Variants in MUC12 observed in about 807,000 individuals in gnomAD.
MUC12 encodes the protein mucin-12.
Under a neutral mutation model 230.8 loss-of-function variants are expected in MUC12, and 172 were observed. That is an observed-to-expected ratio of 0.75 (90% CI 0.66 to 0.85). MUC12 has a LOEUF of 0.85. Among genes scored for constraint, MUC12 ranks in the 40% least tolerant of loss-of-function variants. MUC12 has a pLI of 0.00. For missense variants in MUC12, 3,506 were observed against 5,920.6 expected, an observed-to-expected ratio of 0.59 and a Z score of 13.38; for synonymous variants, 1,259 against 2,401.9, an observed-to-expected ratio of 0.52 and a Z score of 13.91.
intron 1 of MUC12, among the ~76,000 whole-genome samples, chr7:100,971,518 G>A (rs992724371): frequency 1.3e-5 from 2 of 152,308 alleles, no homozygotes; most frequent in Admixed American, 6.5e-5. Flanking sequence ...GGCCCTCCGA[G>A]GCTGCCTCTG....
At chr7:100,979,847 T>C (rs978097341) in intron 1 of MUC12, among the ~76,000 whole-genome samples, 2 of 152,038 alleles carry the variant, frequency 1.3e-5, no homozygotes, top group Admixed American at 6.6e-5. Flanking sequence ...CATACATTTA[T>C]ATATTCACAC....
intron 3 of MUC12, among the ~76,000 whole-genome samples, chr7:101,007,547 C>T (rs1028765773): frequency 7.9e-5 from 12 of 152,230 alleles, no homozygotes; most frequent in African/African-American, 2.9e-4. Flanking sequence ...ACAACGACCT[C>T]CAGTTCCATC....
Position 101,013,022 on chromosome 7 carries a change from A to C in MUC12, c.15518A>C (p.Tyr5173Ser). 2.0e-6 allele frequency: 3 copies of C among 1,537,312 alleles called. No individual in the cohort carries two copies. The highest frequency in any genetic ancestry group is 2.6e-6 in the Non-Finnish European group (3 of 1,146,932). ...QKAAEGYTQF[Y>S]YVDVLDGKLA... Reference sequence around the variant, plus strand: ...GCTGCCGAAGGATATACCCAGTTCTACTATGTGGATGTCTTGGATGGGAAG... The same window carrying C: ...GCTGCCGAAGGATATACCCAGTTCTCCTATGTGGATGTCTTGGATGGGAAG... The change falls in exon 8 of 12, where the codon TAC becomes TCC. Residue 5173 changes from tyrosine to serine, a missense_variant. By Grantham distance (144) the Tyr-to-Ser change is moderately radical. Transcript: ENST00000536621.
intron 11 of MUC12, 115 bp downstream of exon 11, chr7:101,017,778 C>CCTTCTCCCCCTGGGA: frequency 1.4e-6 from 1 of 705,652 alleles, no homozygotes; most frequent in Non-Finnish European, 2.3e-6. Context: ...CCTGGGACTC[C>CCTTCTCCCCCTGGGA]CTCCCTTCCC....
At position 100,969,587 on chromosome 7, in the gene MUC12, G is replaced by A. The variant is rs1313962210; in HGVS notation, c.-36G>A. 2 of 1,537,376 alleles carry A rather than the reference G, an allele frequency of 1.3e-6. No individual in the cohort carries two copies. Among genetic ancestry groups the A allele is most frequent in the Non-Finnish European group, 1.7e-6 (2 of 1,146,918 alleles). Reference sequence around the variant, plus strand: ...TTCATTTCTTGGTCCCTCCTGATGAGAGAAGATGGGCAGCCAGGGGCCCGT... The same window carrying A: ...TTCATTTCTTGGTCCCTCCTGATGAAAGAAGATGGGCAGCCAGGGGCCCGT... On this transcript the variant is annotated 5_prime_UTR_variant, in exon 1 of 12. Coordinates refer to ENST00000536621, the MANE Select transcript of MUC12 (RefSeq NM_001164462.2).
In MUC12 at chr7:100,995,938, G is replaced by T; in HGVS notation, c.5375G>T (p.Gly1792Val). 3 of 1,197,076 alleles carry T rather than the reference G, an allele frequency of 2.5e-6. No individual in the cohort carries two copies. Among genetic ancestry groups the T allele is most frequent in the South Asian group, 2.9e-5 (2 of 69,496 alleles). The allele number at this position is 1,197,076 out of a possible 1,614,324, so 74.2% of individuals were successfully genotyped here. ...TTCCCTGAAAGCTCCACAGCTTCAG[G>T]TCGTAGTGAAGAATCAAGAACTTCC... is the stretch of plus-strand genomic sequence containing the variant. ...MHFPESSTAS[G>V]RSEESRTSHS... is the part of the protein sequence containing the mutation. Residue 1792 changes from glycine to valine, a missense_variant, in exon 2 of 12, where the codon GGT (glycine) becomes GTT (valine). Physicochemically the swap from Gly to Val is moderately radical, Grantham distance 109. Coordinates refer to ENST00000536621, the MANE Select transcript of MUC12 (RefSeq NM_001164462.2).
intron 1 of MUC12, among the ~76,000 whole-genome samples, chr7:100,979,964 G>A (rs1159783330): frequency 2.0e-5 from 3 of 151,704 alleles, no homozygotes; most frequent in Admixed American, 6.6e-5. Flanking sequence ...AGTTCCAGGC[G>A]CAGTGAGCTA....
Position 100,984,297 on chromosome 7 carries a change from C to G in MUC12, c.68-6334C>G, listed in dbSNP as rs1793154604. Among the ~76,000 whole-genome samples, 3 of 150,720 alleles carry G rather than the reference C, an allele frequency of 2.0e-5. No homozygotes were observed. The South Asian group carries it at 6.3e-4, about 32-fold the overall frequency. On this transcript the variant is annotated intron_variant, in intron 1 of 11. Coordinates refer to ENST00000536621, the MANE Select transcript of MUC12 (RefSeq NM_001164462.2). ...TTTTTGACAGAGTCTCGCTGTGTCACCCAGGCTAGAGTACAGTGGCATGAT... is the reference window on the plus strand; with the variant it reads ...TTTTTGACAGAGTCTCGCTGTGTCAGCCAGGCTAGAGTACAGTGGCATGAT...
intron 1 of MUC12, among the ~76,000 whole-genome samples, chr7:100,979,502 C>T (rs1469276500): frequency 6.6e-6 from 1 of 151,672 alleles, no homozygotes; most frequent in Non-Finnish European, 1.5e-5. Flanking sequence ...TGTATATAGG[C>T]AGGGCACGGT....
Position 100,993,023 on chromosome 7 carries a change from T to A in MUC12, c.2460T>A (p.Ser820Arg), listed in dbSNP as rs984494342. ...GCAGTACCACAACGCCAGGCCTCAG[T>A]GAGAGATCTACCACTTTCCATAGTA... ...LPGSTTTPGL[S>R]ERSTTFHSSP... Residue 820 changes from serine to arginine, a missense_variant, in exon 2 of 12, where the codon AGT becomes AGA. Physicochemically the swap from Ser to Arg is moderately radical, Grantham distance 110 (BLOSUM62 -1). Coordinates refer to ENST00000536621, the MANE Select transcript of MUC12 (RefSeq NM_001164462.2). 1 of 1,536,826 alleles carries A rather than the reference T, an allele frequency of 6.5e-7. No individual in the cohort carries two copies.
At position 100,995,624 on chromosome 7, in the gene MUC12, C is replaced by G. The variant is rs774341530; in HGVS notation, c.5061C>G (p.Thr1687=). The change falls in exon 2 of 12, where the codon ACC becomes ACG. Residue 1687 remains threonine (T), a synonymous_variant. Coordinates refer to ENST00000536621, the MANE Select transcript of MUC12 (RefSeq NM_001164462.2). Reference sequence around the variant, plus strand: ...CTACAACACGTCAGGGAGAATCTACCACCTTCCAGAGCTGGCCAAGCTCAA... The same window carrying G: ...CTACAACACGTCAGGGAGAATCTACGACCTTCCAGAGCTGGCCAAGCTCAA... The part of the protein sequence containing the change: ...AGSTTRQGES[T]TFQSWPSSKD... The G allele has an allele frequency of 6.5e-7, 1 of 1,537,026 alleles. No homozygotes were observed. The highest frequency in any genetic ancestry group is 1.4e-5 in the African/African-American group (1 of 72,374).
At position 100,991,538 on chromosome 7, in the gene MUC12, C is replaced by A. The variant is rs1338605144; in HGVS notation, c.975C>A (p.Gly325=). ...TTTCTGCCAGCTCCACAACCTTGGG[C>A]CATAGTGAGGAATCGACACCAGTCC... ...THFSASSTTL[G]HSEESTPVHS... is the part of the protein sequence containing the mutation. The change falls in exon 2 of 12, where the codon GGC becomes GGA. Residue 325 remains glycine, a synonymous_variant. Transcript: ENST00000536621. The A allele has an allele frequency of 2.0e-6, 3 of 1,536,904 alleles. No homozygotes were observed. The African/African-American group carries it at 4.1e-5, about 21-fold the overall frequency.
intron 1 of MUC12, among the ~76,000 whole-genome samples, chr7:100,989,861 T>C (rs1301698604): frequency 6.6e-6 from 1 of 152,098 alleles, no homozygotes; most frequent in African/African-American, 2.4e-5. Flanking sequence ...TGGCTAATTT[T>C]TTTGTATTTT....
chr7:101,017,529 TC>T (rs1793950718), intron 10 of MUC12, 45 bp from the exon 11 acceptor site: 1 of 1,242,294 alleles, frequency 8.0e-7, no homozygotes, highest in Non-Finnish European at 1.1e-6. Flanking sequence ...CCCCTAGTCC[TC>T]CCCCTACCAA....
rs138123101 is a variant in MUC12, at chr7:100,984,417, C to T, written c.68-6214C>T. ...GATTACAGGCGCCCACCACCATACC[C>T]GGCTAATTTTTATATTTTTAGTAGA... is the stretch of plus-strand genomic sequence containing the variant. On this transcript the variant is annotated intron_variant, in intron 1 of 11. Transcript: ENST00000536621. Among the ~76,000 whole-genome samples, 699 of 151,976 alleles carry T rather than the reference C, an allele frequency of 4.6e-3. 1 individual carries two copies. Among genetic ancestry groups the T allele is most frequent in the Non-Finnish European group, 6.3e-3 (429 of 67,928 alleles).
Position 100,995,656 on chromosome 7 carries a change from C to A in MUC12, c.5093C>A (p.Thr1698Asn). The change falls in exon 2 of 12, where the codon ACT (threonine) becomes AAT (asparagine). Residue 1698 changes from threonine to asparagine, a missense_variant. By Grantham distance (65) the Thr-to-Asn change is moderately conservative. Coordinates refer to ENST00000536621, the MANE Select transcript of MUC12 (RefSeq NM_001164462.2). ...TFQSWPSSKD[T>N]MPAPPTTTSA... is the part of the protein sequence containing the mutation. Reference sequence around the variant, plus strand: ...CAGAGCTGGCCAAGCTCAAAGGACACTATGCCTGCACCTCCTACTACCACA... The same window carrying A: ...CAGAGCTGGCCAAGCTCAAAGGACAATATGCCTGCACCTCCTACTACCACA... 1 of 1,537,194 alleles carries A rather than the reference C, an allele frequency of 6.5e-7. No individual in the cohort carries two copies. The highest frequency in any genetic ancestry group is 8.7e-7 in the Non-Finnish European group (1 of 1,147,074).
intron 11 of MUC12, among the ~76,000 whole-genome samples, chr7:101,018,378 C>T (rs1793987455): frequency 7.6e-6 from 1 of 132,124 alleles, no homozygotes; most frequent in Admixed American, 7.3e-5. Flanking sequence ...ACTCCCTCCT[C>T]CCCCAGGACT....
At position 101,017,791 on chromosome 7, in the gene MUC12, T is replaced by C. The variant is rs1351083224; in HGVS notation, c.15966+128T>C. 1.0e-5 allele frequency: 5 copies of C among 478,878 alleles called. No individual in the cohort carries two copies. The East Asian group carries it at 1.5e-4, about 14-fold the overall frequency. 29.7% of individuals were successfully genotyped at this position (478,878 alleles called of 1,614,324 possible). ...CCCCTGGGACTCCCTCCCTTCCCCCTGGGACCCCTTCCCTTTCCCTTCCCC... is the reference window on the plus strand; with the variant it reads ...CCCCTGGGACTCCCTCCCTTCCCCCCGGGACCCCTTCCCTTTCCCTTCCCC... On this transcript the variant is annotated intron_variant, in intron 11 of 11. Transcript: ENST00000536621.
At chr7:100,975,595 G>C (rs546956451) in intron 1 of MUC12, among the ~76,000 whole-genome samples, 1 of 151,998 alleles carries the variant, frequency 6.6e-6, no homozygotes, top group Admixed American at 6.6e-5. Flanking sequence ...GTTTATAGTA[G>C]AGTTAATGAG....
Sources: gnomAD v4.1 joint callset for allele counts (sites outside exome capture counted in the v4.1 genomes callset) on GRCh38, gnomAD v4.1.1 for gene constraint, MANE v1.5 for transcripts, NCBI Gene and HGNC (gene_info 2026-07-23, HGNC 2026-07-21) for gene names.